Variants in NEDD4L observed in about 807,000 individuals in gnomAD.
The protein encoded by NEDD4L is E3 ubiquitin-protein ligase NEDD4-like.
NEDD4L carries 54 observed loss-of-function variants against 148.9 expected under a neutral mutation model. The ratio of observed to expected loss-of-function variants is 0.36; its 90% CI spans 0.29 to 0.45. NEDD4L has a LOEUF of 0.45. Among genes scored for constraint, NEDD4L ranks in the 20% least tolerant of loss-of-function variants. The pLI is 1.00. For synonymous variants in NEDD4L, 433 were observed against 440.7 expected, an observed-to-expected ratio of 0.98 and a Z score of 0.22; for missense variants, 856 against 1,233.8, an observed-to-expected ratio of 0.69 and a Z score of 4.59.
intron 18 of NEDD4L, among the ~76,000 whole-genome samples, chr18:58,353,871 T>C (rs2044244694): frequency 6.6e-6 from 1 of 152,204 alleles, no homozygotes; most frequent in Non-Finnish European, 1.5e-5. Flanking sequence ...GTAAATTGCT[T>C]AGAGTCATCT....
chr18:58,198,691 A>C (rs1213707572), intron 2 of NEDD4L, among the ~76,000 whole-genome samples: 1 of 152,246 alleles, frequency 6.6e-6, no homozygotes, highest in East Asian at 1.9e-4. Flanking sequence ...AATGATTTCT[A>C]ATTTGAATTC....
chr18:58,388,909 A>C (rs1215611579), intron 27 of NEDD4L, 176 bp from the exon 28 acceptor site: 4 of 624,418 alleles, frequency 6.4e-6, no homozygotes, highest in African/African-American at 3.6e-5. Flanking sequence ...TGCCTCTGTG[A>C]TCTGCTATGG....
rs144328406 is a variant in NEDD4L, at chr18:58,323,465, T to C, written c.513+131T>C. ...AAAAAAAAGTACATATGTCCGCAAA[T>C]TGGTCATTGATAGTCTACCAGTGCA... On this transcript the variant is annotated intron_variant, in intron 8 of 30. Coordinates refer to ENST00000400345, the MANE Select transcript of NEDD4L (RefSeq NM_001144967.3). The C allele has an allele frequency of 9.4e-5, 57 of 603,344 alleles. No homozygotes were observed. The Admixed American group carries it at 1.2e-3, about 13-fold the overall frequency. The allele number at this position is 603,344 out of a possible 1,614,324, so 37.4% of individuals were successfully genotyped here.
At chr18:58,186,328 A>T (rs2039480730) in intron 2 of NEDD4L, among the ~76,000 whole-genome samples, 1 of 152,128 alleles carries the variant, frequency 6.6e-6, no homozygotes. Flanking sequence ...GCAGAGAGAG[A>T]TGGTGGCTCC....
chr18:58,340,838 G>A (rs542431897), intron 13 of NEDD4L, 200 bp from the exon 14 acceptor site: 18 of 561,462 alleles, frequency 3.2e-5, no homozygotes, highest in African/African-American at 1.5e-4. Context: ...CTCTGCAACT[G>A]TATGGGGTTC....
intron 1 of NEDD4L, among the ~76,000 whole-genome samples, chr18:58,119,852 T>C (rs558658435): frequency 1.3e-5 from 2 of 152,258 alleles, no homozygotes; most frequent in African/African-American, 4.8e-5. Context: ...GGCCTGGACA[T>C]TGGCGGTTTG....
chr18:58,391,363 A>G, intron 29 of NEDD4L, 124 bp from the exon 30 acceptor site: 1 of 724,706 alleles, frequency 1.4e-6, no homozygotes. Flanking sequence ...AGCAGAAGAG[A>G]GTGTCTTGGG....
chr18:58,156,926 T>C (rs2035573480), intron 1 of NEDD4L, among the ~76,000 whole-genome samples: 1 of 151,262 alleles, frequency 6.6e-6, no homozygotes, highest in African/African-American at 2.4e-5. Flanking sequence ...CCTGTAAAAA[T>C]CCCAGCACCT....
intron 18 of NEDD4L, among the ~76,000 whole-genome samples, chr18:58,356,247 T>A (rs1601642755): frequency 1.3e-5 from 2 of 151,874 alleles, no homozygotes; most frequent in East Asian, 3.8e-4. Context: ...CATGAGCCAC[T>A]GCTCCTGGCC....
At chr18:58,193,202 T>C (rs1032196641) in intron 2 of NEDD4L, among the ~76,000 whole-genome samples, 1 of 152,264 alleles carries the variant, frequency 6.6e-6, no homozygotes, top group African/African-American at 2.4e-5. Flanking sequence ...TACTGAAATT[T>C]ACCTCTTGAT....
At chr18:58,054,341 A>G (rs888452124) in intron 1 of NEDD4L, among the ~76,000 whole-genome samples, 1 of 152,144 alleles carries the variant, frequency 6.6e-6, no homozygotes, top group Non-Finnish European at 1.5e-5. Flanking sequence ...TTTCCTTCTC[A>G]GTTATTAAGT....
At chr18:58,095,911 C>G (rs908135613) in intron 1 of NEDD4L, among the ~76,000 whole-genome samples, 3 of 150,892 alleles carry the variant, frequency 2.0e-5, no homozygotes, top group African/African-American at 7.3e-5. Context: ...ACATTATGAG[C>G]CTTTTGTGTG....
intron 1 of NEDD4L, among the ~76,000 whole-genome samples, chr18:58,106,203 A>T (rs554873268): frequency 6.6e-6 from 1 of 152,116 alleles, no homozygotes; most frequent in Non-Finnish European, 1.5e-5. Context: ...GCCCAAATCA[A>T]CTGTCAGGCT....
chr18:58,197,246 A>G (rs561023878), intron 2 of NEDD4L, among the ~76,000 whole-genome samples: 1 of 152,292 alleles, frequency 6.6e-6, no homozygotes, highest in African/African-American at 2.4e-5. Context: ...AAAATTGGCA[A>G]GACAAACGCC....
chr18:58,130,959 C>T (rs12961340), intron 1 of NEDD4L, among the ~76,000 whole-genome samples: 17 of 132,554 alleles, frequency 1.3e-4, no homozygotes, highest in South Asian at 2.6e-4. Context: ...TGTGATCTAG[C>T]AGAACTGTGG....
chr18:58,293,156 G>A (rs1044894420), intron 5 of NEDD4L, among the ~76,000 whole-genome samples: 1 of 152,214 alleles, frequency 6.6e-6, no homozygotes, highest in Admixed American at 6.5e-5. Context: ...AGCAAACTTG[G>A]TTGGTGAGTA....
intron 16 of NEDD4L, among the ~76,000 whole-genome samples, chr18:58,347,450 C>T (rs1362633055): frequency 6.6e-6 from 1 of 152,126 alleles, no homozygotes; most frequent in Non-Finnish European, 1.5e-5. Context: ...TCAGAGTTAG[C>T]ATTGAGTGGG....
intron 30 of NEDD4L, among the ~76,000 whole-genome samples, chr18:58,394,212 C>G (rs548709744): frequency 1.3e-5 from 2 of 152,180 alleles, no homozygotes; most frequent in Non-Finnish European, 2.9e-5. Context: ...GCACTTGATG[C>G]GATTGACTCA....
intron 2 of NEDD4L, among the ~76,000 whole-genome samples, chr18:58,244,772 C>T (rs1179282641): frequency 2.0e-5 from 3 of 151,962 alleles, no homozygotes; most frequent in African/African-American, 7.3e-5. Flanking sequence ...CTTGGCTCAC[C>T]GCAACCTCTG....
Sources: allele counts gnomAD v4.1 joint callset (sites outside exome capture counted in the v4.1 genomes callset), GRCh38; gene constraint gnomAD v4.1.1; transcripts MANE v1.5; gene names NCBI Gene and HGNC (gene_info 2026-07-23, HGNC 2026-07-21).